The following CHST11 variants were observed in gnomAD, a reference collection of about 807,000 sequenced individuals.
CHST11 encodes the protein carbohydrate sulfotransferase 11, also known as C4S-1.
A neutral mutation model predicts 30.4 loss-of-function variants in CHST11; 9 were observed. The observed-to-expected ratio is 0.30, with a 90% CI of 0.18 to 0.52. The LOEUF (loss-of-function observed/expected upper bound fraction) is 0.52, where lower values mean the gene tolerates loss of function less well. Ranked by LOEUF, CHST11 falls within the 20% of genes least tolerant of loss-of-function variation. The pLI, the probability that CHST11 is intolerant of heterozygous loss-of-function variation, is 0.97. For missense variants in CHST11, 348 were observed against 460.6 expected, an observed-to-expected ratio of 0.76 and a Z score of 2.24; for synonymous variants, 152 against 187.8, an observed-to-expected ratio of 0.81 and a Z score of 1.56.
chr12:104,581,716 C>T (rs1033839625), intron 1 of CHST11, among the ~76,000 whole-genome samples: 90 of 152,258 alleles, frequency 5.9e-4, no homozygotes, highest in African/African-American at 2.0e-3. Context: ...GGGCAGTGAC[C>T]TTGGCTGTGT....
Position 104,694,858 on chromosome 12 carries a change from G to A in CHST11, c.205-62091G>A, listed in dbSNP as rs937111868. On this transcript the variant is annotated intron_variant, in intron 2 of 2. Transcript: ENST00000303694. The stretch of plus-strand genomic sequence containing the variant: ...CTGTGTTCGGAACCAGTGCAGCTCC[G>A]AGTCCTGAGCTTTGACGTGGGAATC... Among the ~76,000 whole-genome samples, 5 of 152,182 alleles carry A rather than the reference G, an allele frequency of 3.3e-5. No homozygotes were observed. The East Asian group carries it at 5.8e-4, about 18-fold the overall frequency.
chr12:104,463,365 C>A (rs1276502703), intron 1 of CHST11, among the ~76,000 whole-genome samples: 1 of 152,116 alleles, frequency 6.6e-6, no homozygotes, highest in African/African-American at 2.4e-5. Flanking sequence ...TTCCTATGAA[C>A]AATCTGATCT....
chr12:104,671,172 A>AAAG (rs2039692883), intron 2 of CHST11, among the ~76,000 whole-genome samples: 2 of 152,206 alleles, frequency 1.3e-5, no homozygotes, highest in Non-Finnish European at 2.9e-5. Context: ...GCTGACAGCT[A>AAAG]GTCTGCTGGC....
At chr12:104,671,485 C>T (rs1706775107) in intron 2 of CHST11, among the ~76,000 whole-genome samples, 1 of 152,150 alleles carries the variant, frequency 6.6e-6, no homozygotes, top group Non-Finnish European at 1.5e-5. Context: ...CCAGCGCGAT[C>T]ATGGTTTTGA....
chr12:104,754,626 T>C (rs1592877130), intron 2 of CHST11, among the ~76,000 whole-genome samples: 1 of 152,196 alleles, frequency 6.6e-6, no homozygotes, highest in African/African-American at 2.4e-5. Context: ...CCAGCCCCCA[T>C]TCAAAGAACT....
At chr12:104,484,298 C>T (rs188608620) in intron 1 of CHST11, among the ~76,000 whole-genome samples, 6 of 152,294 alleles carry the variant, frequency 3.9e-5, no homozygotes, top group East Asian at 3.9e-4. Flanking sequence ...CCCATCATGA[C>T]GATTCACGAT....
rs1391272688 is a variant in CHST11, at chr12:104,544,140, A to AG, written c.119-57766_119-57765insG. The stretch of plus-strand genomic sequence containing the variant: ...CCCTGTCTGTTAAAAAAAAAAAAAA[A>AG]AGAAAGAAAGAAAGAAAGAAAGAAA... On this transcript the variant is annotated intron_variant, in intron 1 of 2. Coordinates refer to ENST00000303694, the MANE Select transcript of CHST11 (RefSeq NM_018413.6). 1.5e-3 allele frequency among the ~76,000 whole-genome samples: 54 copies of AG among 36,402 alleles called. 3 individuals carry two copies. Among genetic ancestry groups the AG allele is most frequent in the East Asian group, 0.025 (1 of 40 alleles). The allele number at this position is 36,402 out of a possible 152,430, so 23.9% of individuals were successfully genotyped here. A position where few individuals can be genotyped will look rare whatever the true frequency, so the allele number is the denominator to read the frequency against.
chr12:104,750,857 A>T (rs76722410), intron 2 of CHST11, among the ~76,000 whole-genome samples: 2,536 of 152,300 alleles, frequency 0.017, 28 homozygotes, highest in East Asian at 0.049. Context: ...TTTTAAAATT[A>T]AAAAATTATA....
intron 1 of CHST11, among the ~76,000 whole-genome samples, chr12:104,462,167 CAA>C (rs796356338): frequency 0.045 from 2,926 of 65,530 alleles, 75 homozygotes; most frequent in African/African-American, 0.14. Flanking sequence ...AACACCATCT[CAA>C]AAAAAAAAAA....
chr12:104,628,402 AT>A (rs2039239626), intron 2 of CHST11, among the ~76,000 whole-genome samples: 1 of 152,170 alleles, frequency 6.6e-6, no homozygotes, highest in Non-Finnish European at 1.5e-5. Flanking sequence ...AAAGATTTCT[AT>A]TTTAAGCTGT....
intron 1 of CHST11, among the ~76,000 whole-genome samples, chr12:104,513,138 T>TGGGGGGGGGGGGGGGGGG (rs1565969843): frequency 3.0e-4 from 1 of 3,338 alleles, no homozygotes; most frequent in Admixed American, 3.7e-3. Flanking sequence ...GGGGGGGGGG[T>TGGGGGGGGGGGGGGGGGG]TGGGGGTGGG....
At chr12:104,507,030 G>T (rs375971794) in intron 1 of CHST11, among the ~76,000 whole-genome samples, 37 of 152,316 alleles carry the variant, frequency 2.4e-4, no homozygotes, top group Middle Eastern at 3.4e-3. Context: ...ATTCAGAGGG[G>T]AAGAGCACAG....
At chr12:104,598,695 G>T (rs1380760628) in intron 1 of CHST11, among the ~76,000 whole-genome samples, 1 of 152,202 alleles carries the variant, frequency 6.6e-6, no homozygotes, top group Non-Finnish European at 1.5e-5. Flanking sequence ...AACATGACAC[G>T]GAGGATTTGG....
chr12:104,739,697 G>A (rs980503848), intron 2 of CHST11, among the ~76,000 whole-genome samples: 2 of 152,224 alleles, frequency 1.3e-5, no homozygotes. Flanking sequence ...AAGAGCAGCT[G>A]TGGGTCAAGT....
intron 1 of CHST11, among the ~76,000 whole-genome samples, chr12:104,516,850 C>T (rs1050605882): frequency 6.6e-6 from 1 of 151,972 alleles, no homozygotes; most frequent in Non-Finnish European, 1.5e-5. Flanking sequence ...AATTTGTGTG[C>T]CCTGTTGGGC....
chr12:104,539,767 G>T (rs182163025), intron 1 of CHST11, among the ~76,000 whole-genome samples: 7 of 152,278 alleles, frequency 4.6e-5, no homozygotes, highest in Admixed American at 1.3e-4. Flanking sequence ...TTGGGGGATT[G>T]GTTCCAGAAC....
chr12:104,532,868 T>A (rs1478536228), intron 1 of CHST11, among the ~76,000 whole-genome samples: 1 of 152,084 alleles, frequency 6.6e-6, no homozygotes, highest in African/African-American at 2.4e-5. Flanking sequence ...CTCTGGATGG[T>A]CTCATGCTAT....
intron 2 of CHST11, among the ~76,000 whole-genome samples, chr12:104,711,767 A>G (rs996312400): frequency 6.6e-6 from 1 of 152,204 alleles, no homozygotes; most frequent in Admixed American, 6.5e-5. Flanking sequence ...GCTAAACAGG[A>G]CTTAGATGAG....
At chr12:104,678,837 C>T (rs2039766957) in intron 2 of CHST11, among the ~76,000 whole-genome samples, 1 of 152,174 alleles carries the variant, frequency 6.6e-6, no homozygotes, top group Non-Finnish European at 1.5e-5. Context: ...GAATTAAATA[C>T]TCAAAACAGT....
Sources: allele counts gnomAD v4.1 joint callset (sites outside exome capture counted in the v4.1 genomes callset), GRCh38; gene constraint gnomAD v4.1.1; transcripts MANE v1.5; gene names NCBI Gene and HGNC (gene_info 2026-07-23, HGNC 2026-07-21).